The following HECW1 variants were observed in gnomAD, a reference collection of about 807,000 sequenced individuals.
HECW1 encodes the protein HECT, C2 and WW domain containing E3 ubiquitin protein ligase 1.
A neutral mutation model predicts 182.3 loss-of-function variants in HECW1; 61 were observed. The ratio of observed to expected loss-of-function variants is 0.33; its 90% CI spans 0.27 to 0.41. The LOEUF (loss-of-function observed/expected upper bound fraction) is 0.41. HECW1 is among the 10% of genes least tolerant of loss of function. The pLI, the probability that HECW1 is intolerant of heterozygous loss-of-function variation, is 1.00. For synonymous variants in HECW1, 859 were observed against 832.6 expected (o/e 1.03, Z -0.55); for missense variants, 1,739 against 2,108.9 (o/e 0.82, Z 3.44).
At chr7:43,292,934 G>T (rs1055779077) in intron 3 of HECW1, among the ~76,000 whole-genome samples, 1 of 152,158 alleles carries the variant, frequency 6.6e-6, no homozygotes, top group South Asian at 2.1e-4. Context: ...AACGAAAGCT[G>T]GGATTTATTG....
intron 3 of HECW1, among the ~76,000 whole-genome samples, chr7:43,281,253 T>C (rs1460683194): frequency 2.6e-4 from 40 of 152,154 alleles, no homozygotes. Context: ...TGTCTCAGGC[T>C]CAGCTCCAAA....
At chr7:43,508,655 A>G (rs554376324) in intron 23 of HECW1, 61 of 356,866 alleles carry the variant, frequency 1.7e-4, no homozygotes, top group Non-Finnish European at 2.6e-4. Context: ...CCCACAACAA[A>G]GGCCTTGTAT....
chr7:43,256,100 G>C (rs1361906003), intron 3 of HECW1, among the ~76,000 whole-genome samples: 1 of 152,150 alleles, frequency 6.6e-6, no homozygotes, highest in Non-Finnish European at 1.5e-5. Flanking sequence ...TTATTGGATA[G>C]GTAACTCACG....
intron 2 of HECW1, among the ~76,000 whole-genome samples, chr7:43,234,784 T>C (rs1798172195): frequency 6.6e-6 from 1 of 152,208 alleles, no homozygotes; most frequent in East Asian, 1.9e-4. Context: ...TAGGCTGTGT[T>C]GCTCACTCAC....
At chr7:43,237,176 G>C (rs540144511) in intron 2 of HECW1, among the ~76,000 whole-genome samples, 15 of 136,830 alleles carry the variant, frequency 1.1e-4, no homozygotes, top group Non-Finnish European at 2.2e-4. Context: ...TAGGTAGGTA[G>C]GTAGGTAGGT....
intron 2 of HECW1, among the ~76,000 whole-genome samples, chr7:43,165,089 T>G (rs1262146119): frequency 6.6e-6 from 1 of 152,114 alleles, no homozygotes; most frequent in Non-Finnish European, 1.5e-5. Flanking sequence ...AAATTTGGTT[T>G]CAATAGTAAG....
intron 2 of HECW1, among the ~76,000 whole-genome samples, chr7:43,150,702 G>A (rs923258234): frequency 9.9e-5 from 15 of 152,278 alleles, no homozygotes; most frequent in Non-Finnish European, 1.3e-4. Flanking sequence ...TAAAGATGGC[G>A]TCACAATGGC....
intron 17 of HECW1, among the ~76,000 whole-genome samples, chr7:43,488,652 C>T: frequency 6.6e-6 from 1 of 152,128 alleles, no homozygotes. Flanking sequence ...CATACTAAAT[C>T]CTAGTTCAAA....
chr7:43,351,682 T>TTTTTTTTTTTTTTTTTTTTTTC (rs1814487980), intron 5 of HECW1, among the ~76,000 whole-genome samples: 1 of 150,318 alleles, frequency 6.7e-6, no homozygotes, highest in African/African-American at 2.4e-5. Context: ...TTTCTTCTTT[T>TTTTTTTTTTTTTTTTTTTTTTC]TTTTTTTTTT....
chr7:43,269,976 A>G (rs1802209584), intron 3 of HECW1, among the ~76,000 whole-genome samples: 1 of 152,198 alleles, frequency 6.6e-6, no homozygotes, highest in African/African-American at 2.4e-5. Flanking sequence ...CTTTAACTTA[A>G]TATTTCTCAG....
chr7:43,559,731 G>A (rs1187254919), intron 29 of HECW1, among the ~76,000 whole-genome samples: 2 of 152,114 alleles, frequency 1.3e-5, no homozygotes, highest in Non-Finnish European at 2.9e-5. Context: ...TTTGGTGCAC[G>A]GGAATGAGGT....
At chr7:43,241,661 T>TGTGTGTGTG (rs1584133273) in intron 2 of HECW1, among the ~76,000 whole-genome samples, 14 of 149,840 alleles carry the variant, frequency 9.3e-5, no homozygotes, top group South Asian at 4.2e-4. Flanking sequence ...TGTGTGTGTG[T>TGTGTGTGTG]TTAATTAATT....
chr7:43,504,808 GC>G (rs1237284691), intron 21 of HECW1, among the ~76,000 whole-genome samples: 1 of 152,108 alleles, frequency 6.6e-6, no homozygotes, highest in African/African-American at 2.4e-5. Context: ...AGAAGTTGAA[GC>G]CATCCAGCAG....
chr7:43,317,293 C>T (rs1584457493), intron 4 of HECW1, among the ~76,000 whole-genome samples: 1 of 152,196 alleles, frequency 6.6e-6, no homozygotes, highest in African/African-American at 2.4e-5. Flanking sequence ...CTGTCTTCGC[C>T]GGTGGAGAGA....
intron 6 of HECW1, among the ~76,000 whole-genome samples, chr7:43,363,247 C>T (rs1395795491): frequency 6.6e-6 from 1 of 152,116 alleles, no homozygotes; most frequent in Non-Finnish European, 1.5e-5. Flanking sequence ...AGCATATGCT[C>T]CCCAAGGGCT....
At chr7:43,434,236 C>T (rs1196982297) in intron 8 of HECW1, among the ~76,000 whole-genome samples, 1 of 152,094 alleles carries the variant, frequency 6.6e-6, no homozygotes, top group Admixed American at 6.5e-5. Context: ...TAAGGGCCAG[C>T]TGAAATGAGT....
chr7:43,320,812 G>A (rs1810012385), intron 5 of HECW1, 70 bp downstream of exon 5: 11 of 1,162,346 alleles, frequency 9.5e-6, no homozygotes, highest in Non-Finnish European at 1.3e-5. Context: ...TTCATTATTT[G>A]TTCCCGTTGC....
Position 43,164,027 on chromosome 7 carries a change from C to T in HECW1, c.-32+49636C>T, listed in dbSNP as rs565426877. Among the ~76,000 whole-genome samples, 11 of 152,222 alleles carry T rather than the reference C, an allele frequency of 7.2e-5. 1 individual carries two copies. In the South Asian group the frequency reaches 2.3e-3, roughly 32 times the overall value. ...CCTGCCCTGGCTGGCAGATTTCACACAGGGAGAAGAGCCAGGGCAGGCAGC... is the reference window on the plus strand; with the variant it reads ...CCTGCCCTGGCTGGCAGATTTCACATAGGGAGAAGAGCCAGGGCAGGCAGC... On this transcript the variant is annotated intron_variant, in intron 2 of 29. Transcript: ENST00000395891.
At chr7:43,524,054 T>C (rs2080651680) in intron 24 of HECW1, among the ~76,000 whole-genome samples, 1 of 152,168 alleles carries the variant, frequency 6.6e-6, no homozygotes, top group African/African-American at 2.4e-5. Context: ...CAAATTTTAG[T>C]CGGCAACTGC....
Sources: allele counts gnomAD v4.1 joint callset (sites outside exome capture counted in the v4.1 genomes callset), GRCh38; gene constraint gnomAD v4.1.1; transcripts MANE v1.5; gene names NCBI Gene and HGNC (gene_info 2026-07-23, HGNC 2026-07-21).